GTF3C6: variants seen among roughly 807,000 people sequenced by gnomAD.
GTF3C6 encodes general transcription factor IIIC subunit 6, also known as general transcription factor 3C polypeptide 6.
Under a neutral mutation model 19.2 loss-of-function variants are expected in GTF3C6, and 11 were observed. The ratio of observed to expected loss-of-function variants is 0.57; its 90% CI spans 0.36 to 0.95. The LOEUF (loss-of-function observed/expected upper bound fraction) is 0.95. Ranked by LOEUF, GTF3C6 falls within the 40% of genes least tolerant of loss-of-function variation. GTF3C6 has a pLI of 0.01. For synonymous variants in GTF3C6, 87 were observed against 84.2 expected, an observed-to-expected ratio of 1.03 and a Z score of -0.18; for missense variants, 222 against 254.7, an observed-to-expected ratio of 0.87 and a Z score of 0.87.
Position 110,967,865 on chromosome 6 carries a change from G to C in GTF3C6, c.*75G>C. On this transcript the variant is annotated 3_prime_UTR_variant, in exon 6 of 6. Coordinates refer to ENST00000329970, the MANE Select transcript of GTF3C6 (RefSeq NM_138408.4). ...TTAGAGTTGTTACATAAAAATAATT[G>C]CTGTGTAGCTTTCAGTCTTTTAATA... 1 of 1,255,592 alleles carries C rather than the reference G, an allele frequency of 8.0e-7. No homozygotes were observed. The highest frequency in any genetic ancestry group is 1.1e-6 in the Non-Finnish European group (1 of 896,722). 77.8% of individuals were successfully genotyped at this position (1,255,592 alleles called of 1,614,324 possible). A position where few individuals can be genotyped will look rare whatever the true frequency, so the allele number is the denominator to read the frequency against.
chr6:110,960,939 G>A (rs1182238006), intron 4 of GTF3C6, among the ~76,000 whole-genome samples: 3 of 151,676 alleles, frequency 2.0e-5, no homozygotes, highest in East Asian at 2.0e-4. Context: ...CCAGCTACTC[G>A]GGAGACTGAG....
At position 110,959,170 on chromosome 6, in the gene GTF3C6, A is replaced by G. The variant is rs761965214; in HGVS notation, c.58-2A>G. On this transcript the variant is annotated splice_acceptor_variant, in intron 1 of 5. Transcript: ENST00000329970. LOFTEE classifies it high-confidence loss of function. ...CATGTTAACCCCTCTTTCTTTCACC[A>G]GGAGCAGTTGGTTCTGGTGGAATTA... 6.2e-7 allele frequency: 1 copy of G among 1,606,350 alleles called. No homozygotes were observed. The highest frequency in any genetic ancestry group is 8.5e-7 in the Non-Finnish European group (1 of 1,173,090).
intron 4 of GTF3C6, among the ~76,000 whole-genome samples, chr6:110,960,831 A>G (rs995262786): frequency 3.3e-5 from 5 of 152,026 alleles, no homozygotes; most frequent in Admixed American, 3.3e-4. Context: ...CAGGCAGGTT[A>G]CTTGAGGCCA....
chr6:110,963,703 C>CTT lies in GTF3C6; in HGVS notation c.361+1214_361+1215dup, dbSNP rs5879081. Among the ~76,000 whole-genome samples the CTT allele has an allele frequency of 6.6e-3, 862 of 129,948 alleles. 12 individuals carry two copies. The highest frequency in any genetic ancestry group is 0.023 in the Middle Eastern group (6 of 256). The allele number at this position is 129,948 out of a possible 152,430, so 85.3% of individuals were successfully genotyped here. ...CAGGCTCACATCTGGAAAAAGCTGG[C>CTT]TTTTTTTTTTTTTTTTTGGAGACAG... On this transcript the variant is annotated intron_variant, in intron 5 of 5. Coordinates refer to ENST00000329970, the MANE Select transcript of GTF3C6 (RefSeq NM_138408.4).
intron 5 of GTF3C6, among the ~76,000 whole-genome samples, chr6:110,963,107 C>A (rs766385990): frequency 2.0e-4 from 31 of 151,832 alleles, no homozygotes; most frequent in Non-Finnish European, 3.8e-4. Context: ...TAGTAGAGAC[C>A]GGATTTTACC....
chr6:110,962,330 C>T, intron 4 of GTF3C6, 62 bp from the exon 5 acceptor site: 1 of 853,786 alleles, frequency 1.2e-6, no homozygotes, highest in Non-Finnish European at 1.9e-6. Flanking sequence ...ATTACTAAGG[C>T]TTCATCTTTG....
At chr6:110,959,125 C>CT in intron 1 of GTF3C6, 47 bp from the exon 2 acceptor site, 1 of 1,384,302 alleles carries the variant, frequency 7.2e-7, no homozygotes, top group Non-Finnish European at 1.0e-6. Flanking sequence ...ATTGCTCCCT[C>CT]TTGGCCGCTC....
rs115713395 is a variant in GTF3C6 at position 110,960,416 on chromosome 6, C to T, written c.141C>T (p.Gly47=). Residue 47 remains glycine (G), a splice_region_variant and synonymous_variant, in exon 3 of 6, where the codon GGC becomes GGT. Transcript: ENST00000329970. The stretch of plus-strand genomic sequence containing the variant: ...TATGATCCTTTATTCTGTTGTAGGG[C>T]ATTGACACTGAGAGGCCCATTCTGC... The part of the protein sequence containing the change: ...SKCENKCKVL[G]IDTERPILQV... 2 of 1,611,516 alleles carry T rather than the reference C, an allele frequency of 1.2e-6. No individual in the cohort carries two copies. The highest frequency in any genetic ancestry group is 2.2e-5 in the East Asian group (1 of 44,852).
intron 5 of GTF3C6, 137 bp from the exon 6 acceptor site, chr6:110,967,373 G>A: frequency 1.4e-6 from 1 of 726,972 alleles, no homozygotes; most frequent in Non-Finnish European, 2.2e-6. Context: ...AGTAGTTACA[G>A]ACACCATATT....
chr6:110,960,498 T>C (rs868748005), intron 3 of GTF3C6, 21 bp downstream of exon 3: 1 of 1,611,144 alleles, frequency 6.2e-7, no homozygotes, highest in Middle Eastern at 1.7e-4. Flanking sequence ...GTCAGATAGA[T>C]GGAACTCTTT....
intron 4 of GTF3C6, 21 bp from the exon 5 acceptor site, chr6:110,962,371 T>C: frequency 8.1e-7 from 1 of 1,228,448 alleles, no homozygotes; most frequent in Non-Finnish European, 1.2e-6. Context: ...AGTATAATAA[T>C]GTTGTTCATT....
Position 110,958,709 on chromosome 6 carries a change from C to A in GTF3C6, c.-61C>A. On this transcript the variant is annotated 5_prime_UTR_variant, in exon 1 of 6. Transcript: ENST00000329970. ...CTTCGCCTCGGAGCTGAAGCCCGTACTCAAGATGGCGGCTCCGGGCGGGCG... is the reference window on the plus strand; with the variant it reads ...CTTCGCCTCGGAGCTGAAGCCCGTAATCAAGATGGCGGCTCCGGGCGGGCG... The A allele has an allele frequency of 1.3e-6, 2 of 1,524,432 alleles. No homozygotes were observed. The highest frequency in any genetic ancestry group is 1.8e-6 in the Non-Finnish European group (2 of 1,124,240). 94.4% of individuals were successfully genotyped at this position (1,524,432 alleles called of 1,614,324 possible). A position where few individuals can be genotyped will look rare whatever the true frequency, so the allele number is the denominator to read the frequency against.
chr6:110,959,331 G>T (rs574088446), intron 2 of GTF3C6, 79 bp downstream of exon 2: 3 of 836,090 alleles, frequency 3.6e-6, no homozygotes, highest in South Asian at 2.8e-5. Context: ...ATACCTATCC[G>T]CAAGTATTGA....
chr6:110,962,646 AG>A, intron 5 of GTF3C6, 141 bp downstream of exon 5: 1 of 554,942 alleles, frequency 1.8e-6, no homozygotes, highest in South Asian at 2.5e-5. Context: ...TCTGTCACCC[AG>A]GCTGGAATGC....
Position 110,961,642 on chromosome 6 carries a change from A to AT in GTF3C6, c.248-743dup, listed in dbSNP as rs1771161969. Among the ~76,000 whole-genome samples, 3 of 152,034 alleles carry AT rather than the reference A, an allele frequency of 2.0e-5. No individual in the cohort carries two copies. The South Asian group carries it at 6.2e-4, about 32-fold the overall frequency. On this transcript the variant is annotated intron_variant, in intron 4 of 5. Coordinates refer to ENST00000329970, the MANE Select transcript of GTF3C6 (RefSeq NM_138408.4). Reference sequence around the variant, plus strand: ...AACTCCAGGCAGCAGGTTGGCAGCAATTTTTTTCCTCAGGCTTTCATGATT... The same window carrying AT: ...AACTCCAGGCAGCAGGTTGGCAGCAATTTTTTTTCCTCAGGCTTTCATGATT...
intron 1 of GTF3C6, 29 bp downstream of exon 1, chr6:110,958,855 C>T: frequency 1.3e-6 from 2 of 1,548,674 alleles, no homozygotes; most frequent in Non-Finnish European, 1.7e-6. Context: ...AAAGCCTGCA[C>T]CGCAGTGGCG....
chr6:110,960,732 A>C, intron 4 of GTF3C6, 116 bp downstream of exon 4: 1 of 886,852 alleles, frequency 1.1e-6, no homozygotes, highest in Admixed American at 2.0e-5. Flanking sequence ...ATTTTCCCAA[A>C]CGTGACTCAG....
intron 5 of GTF3C6, among the ~76,000 whole-genome samples, chr6:110,962,879 A>G (rs1183019441): frequency 6.6e-6 from 1 of 152,192 alleles, no homozygotes; most frequent in East Asian, 1.9e-4. Flanking sequence ...CCCGGGTTCA[A>G]GCGATTCTGC....
At chr6:110,961,553 C>T (rs1238752893) in intron 4 of GTF3C6, among the ~76,000 whole-genome samples, 1 of 152,194 alleles carries the variant, frequency 6.6e-6, no homozygotes, top group Non-Finnish European at 1.5e-5. Flanking sequence ...GTCTGTGCTT[C>T]ATATCCTTGG....
Sources: gnomAD v4.1 joint callset for allele counts (sites outside exome capture counted in the v4.1 genomes callset) on GRCh38, gnomAD v4.1.1 for gene constraint, MANE v1.5 for transcripts, NCBI Gene and HGNC (gene_info 2026-07-23, HGNC 2026-07-21) for gene names.